The following KMT2C variants were observed in gnomAD, a reference collection of about 807,000 sequenced individuals.
KMT2C encodes the protein lysine methyltransferase 2C.
A neutral mutation model predicts 507.9 loss-of-function variants in KMT2C; 88 were observed. The observed-to-expected ratio is 0.17, with a 90% confidence interval of 0.15 to 0.21. The LOEUF (loss-of-function observed/expected upper bound fraction) is 0.21. KMT2C is among the 10% of genes least tolerant of loss of function. The pLI is 1.00. For synonymous variants in KMT2C, 2,049 were observed against 2,080.8 expected, an observed-to-expected ratio of 0.98 and a Z score of 0.42; for missense variants, 4,954 against 5,957.8, an observed-to-expected ratio of 0.83 and a Z score of 5.55.
At chr7:152,359,798 C>T (rs983226060) in intron 1 of KMT2C, among the ~76,000 whole-genome samples, 3 of 152,016 alleles carry the variant, frequency 2.0e-5, no homozygotes, top group African/African-American at 7.2e-5. Flanking sequence ...TCTGTAATCC[C>T]AGCACTTTGG....
At position 152,181,442 on chromosome 7, in the gene KMT2C, G is replaced by A. The variant is rs748249756; in HGVS notation, c.6418C>T (p.Pro2140Ser). Residue 2140 changes from proline to serine, a missense_variant, in exon 36 of 59, where the codon CCT (proline) becomes TCT (serine). By Grantham distance (74) the Pro-to-Ser change is moderately conservative. Around this residue, in one of 29 missense-constraint regions of KMT2C, gnomAD observed 1,689 missense variants for 1,654.3 expected, o/e 1.02. Transcript: ENST00000262189. ...PYSQPPGTPR[P>S]VVDSYSQSSG... ...GATTGGGAATAAGAATCTACAACAG[G>A]TCGTGGAGTTCCTGGGGGTTGGGAG... The A allele has an allele frequency of 1.9e-6, 3 of 1,614,058 alleles. No homozygotes were observed. In the Admixed American group the frequency reaches 5.0e-5, roughly 27 times the overall value.
rs1433580945 is a variant in KMT2C, at chr7:152,412,122, C to G, written c.161+23504G>C. Among the ~76,000 whole-genome samples, 8 of 152,154 alleles carry G rather than the reference C, an allele frequency of 5.3e-5. No individual in the cohort carries two copies. In the East Asian group the frequency reaches 1.5e-3, roughly 29 times the overall value. ...GTCTAATGAAGATGTTGCAACCTGG[C>G]CAAGAGCGGTGGCTCATGCCTGTAA... On this transcript the variant is annotated intron_variant, in intron 1 of 58. Coordinates refer to ENST00000262189, the MANE Select transcript of KMT2C (RefSeq NM_170606.3).
At chr7:152,434,165 G>A (rs539447552) in intron 1 of KMT2C, among the ~76,000 whole-genome samples, 1 of 152,228 alleles carries the variant, frequency 6.6e-6, no homozygotes, top group South Asian at 2.1e-4. Context: ...CAGAATAAGG[G>A]CATTTTATAC....
chr7:152,142,906 A>G (rs1314215373), intron 55 of KMT2C, among the ~76,000 whole-genome samples: 1 of 152,222 alleles, frequency 6.6e-6, no homozygotes, highest in Non-Finnish European at 1.5e-5. Flanking sequence ...GAAAAACAGG[A>G]TACATATTAG....
chr7:152,332,514 A>C (rs2096893443), intron 2 of KMT2C, among the ~76,000 whole-genome samples: 1 of 152,116 alleles, frequency 6.6e-6, no homozygotes, highest in Non-Finnish European at 1.5e-5. Flanking sequence ...CTTCCCCTTC[A>C]ACTATACCTT....
intron 6 of KMT2C, among the ~76,000 whole-genome samples, chr7:152,302,565 G>A (rs2096579039): frequency 6.6e-6 from 1 of 151,876 alleles, no homozygotes; most frequent in Admixed American, 6.6e-5. Context: ...ATACATTGGG[G>A]GTTTATGGAT....
At chr7:152,374,901 A>T (rs1198746759) in intron 1 of KMT2C, among the ~76,000 whole-genome samples, 4 of 151,626 alleles carry the variant, frequency 2.6e-5, no homozygotes, top group Admixed American at 6.6e-5. Context: ...AAAAAAAAAA[A>T]TTGAAGAGAA....
intron 8 of KMT2C, among the ~76,000 whole-genome samples, 157 bp downstream of exon 8, chr7:152,264,881 T>A (rs534041821): frequency 6.6e-6 from 1 of 151,730 alleles, no homozygotes; most frequent in African/African-American, 2.4e-5. Context: ...TGGATAAATG[T>A]TATAATATCC....
At chr7:152,414,750 C>T (rs2097717260) in intron 1 of KMT2C, among the ~76,000 whole-genome samples, 1 of 152,078 alleles carries the variant, frequency 6.6e-6, no homozygotes, top group African/African-American at 2.4e-5. Flanking sequence ...CCCACCTCAG[C>T]ATCCCAAAGT....
At chr7:152,384,557 C>CTACCAA (rs2097403866) in intron 1 of KMT2C, among the ~76,000 whole-genome samples, 1 of 96,838 alleles carries the variant, frequency 1.0e-5, no homozygotes, top group African/African-American at 3.0e-5. Context: ...AACACCACCA[C>CTACCAA]CACCACCACC....
At chr7:152,268,649 C>T (rs10235761) in intron 7 of KMT2C, among the ~76,000 whole-genome samples, 2 of 151,994 alleles carry the variant, frequency 1.3e-5, no homozygotes, top group Admixed American at 6.6e-5. Flanking sequence ...TTTCTTAAGA[C>T]AGTACCAGTA....
At position 152,162,678 on chromosome 7, in the gene KMT2C, C is replaced by A. The variant is rs147360558; in HGVS notation, c.10899G>T (p.Pro3633=). 3 of 1,614,164 alleles carry A rather than the reference C, an allele frequency of 1.9e-6. No individual in the cohort carries two copies. In the South Asian group the frequency reaches 3.3e-5, roughly 18 times the overall value. The change falls in exon 43 of 59, where the codon CCG becomes CCT. Residue 3633 remains proline (P), a synonymous_variant. Coordinates refer to ENST00000262189, the MANE Select transcript of KMT2C (RefSeq NM_170606.3). ...AGGTAGTTTCTGAGATGCCTGGAGTCGGTGGGGCAGTTATATCTGAATGGG... is the reference window on the plus strand; with the variant it reads ...AGGTAGTTTCTGAGATGCCTGGAGTAGGTGGGGCAGTTATATCTGAATGGG... ...STPHSDITAP[P]TPGISETTST... is the part of the protein sequence containing the mutation.
intron 3 of KMT2C, among the ~76,000 whole-genome samples, chr7:152,317,585 A>T (rs1262619408): frequency 1.3e-5 from 2 of 152,218 alleles, no homozygotes; most frequent in African/African-American, 4.8e-5. Flanking sequence ...CTCAGTAAAA[A>T]TTTTTAAGAA....
intron 1 of KMT2C, among the ~76,000 whole-genome samples, chr7:152,394,597 G>A (rs1036073630): frequency 3.9e-5 from 6 of 152,050 alleles, no homozygotes; most frequent in Non-Finnish European, 7.4e-5. Context: ...AGCCCTTCCC[G>A]TCCCTTCCAT....
At chr7:152,172,784 A>G (rs6464210) in intron 39 of KMT2C, among the ~76,000 whole-genome samples, 18,884 of 152,170 alleles carry the variant, frequency 0.12, 2,797 homozygotes, top group African/African-American at 0.35. Flanking sequence ...CAAGTACCAC[A>G]ACTATCACCA....
chr7:152,393,092 A>C (rs2097512666), intron 1 of KMT2C, among the ~76,000 whole-genome samples: 1 of 152,028 alleles, frequency 6.6e-6, no homozygotes, highest in African/African-American at 2.4e-5. Flanking sequence ...GTGAGATCCT[A>C]CCTCAAAAGT....
At chr7:152,432,419 G>T (rs568690552) in intron 1 of KMT2C, among the ~76,000 whole-genome samples, 2 of 152,284 alleles carry the variant, frequency 1.3e-5, no homozygotes, top group African/African-American at 4.8e-5. Flanking sequence ...TTCTGACAGA[G>T]GCCTGCCAAT....
At chr7:152,330,166 T>TG (rs2096868542) in intron 3 of KMT2C, among the ~76,000 whole-genome samples, 14 of 9,814 alleles carry the variant, frequency 1.4e-3, no homozygotes, top group East Asian at 0.014. Flanking sequence ...GGGGGAGGGG[T>TG]GGTGGGGGGG....
rs2129095515 is a variant in KMT2C, at chr7:152,148,741, G to A, written c.13186C>T (p.Pro4396Ser). ...LGTSLKPDPV[P>S]KDYRKCCFCH... ...AAGCAACATTTCCGATAGTCTTTGG[G>A]CACAGGATCAGGTTTAAGGGAAGTG... The change falls in exon 52 of 59, where the codon CCC becomes TCC. Residue 4396 changes from proline (P) to serine (S), a missense_variant. Physicochemically the swap from Pro to Ser is moderately conservative, Grantham distance 74. Around this residue, in one of 29 missense-constraint regions of KMT2C, gnomAD observed 417 missense variants for 461.1 expected, o/e 0.90. Transcript: ENST00000262189. The surrounding 1 kb of genome is among the most constrained non-coding windows in gnomAD (Gnocchi z 7.1). 1 of 1,614,146 alleles carries A rather than the reference G, an allele frequency of 6.2e-7. No homozygotes were observed. Among genetic ancestry groups the A allele is most frequent in the South Asian group, 1.1e-5 (1 of 91,078 alleles).
Sources: gnomAD v4.1 joint callset for allele counts (sites outside exome capture counted in the v4.1 genomes callset) on GRCh38, gnomAD v4.1.1 for gene constraint, gnomAD v4.1.1 regional missense constraint, Gnocchi (gnomAD v3.1) non-coding constraint, MANE v1.5 for transcripts, NCBI Gene and HGNC (gene_info 2026-07-23, HGNC 2026-07-21) for gene names.